The following CDH13 variants were observed in gnomAD, a reference collection of about 807,000 sequenced individuals.
CDH13 encodes cadherin-13.
Under a neutral mutation model 63.8 loss-of-function variants are expected in CDH13, and 24 were observed. The ratio of observed to expected loss-of-function variants is 0.38; its 90% CI spans 0.27 to 0.53. The LOEUF (loss-of-function observed/expected upper bound fraction) is 0.53, where lower values mean the gene tolerates loss of function less well. Among genes scored for constraint, CDH13 ranks in the 20% least tolerant of loss-of-function variants. CDH13 has a pLI of 0.85. For synonymous variants in CDH13, 503 were observed against 355.3 expected, an observed-to-expected ratio of 1.42 and a Z score of -4.67; for missense variants, 1,049 against 903.1, an observed-to-expected ratio of 1.16 and a Z score of -2.07.
rs1030307804 is a variant in CDH13 at position 83,609,063 on chromosome 16, T to C, written c.1101+6469T>C. On this transcript the variant is annotated intron_variant, in intron 8 of 13. Transcript: ENST00000567109. ...TTTGCTTTCACAACACATTTTATTATTGGAAAACTTGTGCACATTTTGAGG... is the reference window on the plus strand; with the variant it reads ...TTTGCTTTCACAACACATTTTATTACTGGAAAACTTGTGCACATTTTGAGG... Among the ~76,000 whole-genome samples, 4 of 152,174 alleles carry C rather than the reference T, an allele frequency of 2.6e-5. 1 individual carries two copies. Among genetic ancestry groups the C allele is most frequent in the African/African-American group, 9.7e-5 (4 of 41,442 alleles).
intron 1 of CDH13, among the ~76,000 whole-genome samples, chr16:82,769,088 C>T (rs1238130857): frequency 6.6e-6 from 1 of 152,178 alleles, no homozygotes; most frequent in African/African-American, 2.4e-5. Context: ...GTGAGGTCAT[C>T]ATGTTGTCTT....
intron 2 of CDH13, among the ~76,000 whole-genome samples, chr16:82,935,446 T>C (rs1170482013): frequency 2.0e-5 from 3 of 152,222 alleles, no homozygotes; most frequent in Non-Finnish European, 4.4e-5. Flanking sequence ...ACAACTGTTT[T>C]CATGAAGCTT....
intron 1 of CDH13, among the ~76,000 whole-genome samples, chr16:82,837,714 G>C (rs936972048): frequency 6.6e-6 from 1 of 152,194 alleles, no homozygotes; most frequent in African/African-American, 2.4e-5. Flanking sequence ...CAGTGCCCGA[G>C]TTTTTACTGG....
intron 1 of CDH13, among the ~76,000 whole-genome samples, chr16:82,708,888 G>T (rs986955139): frequency 6.6e-6 from 1 of 152,132 alleles, no homozygotes; most frequent in Admixed American, 6.5e-5. Flanking sequence ...TTCTGCTAGG[G>T]CTCTCTTATA....
intron 4 of CDH13, among the ~76,000 whole-genome samples, chr16:83,127,344 T>C (rs1486836888): frequency 2.6e-5 from 4 of 152,094 alleles, no homozygotes; most frequent in Non-Finnish European, 5.9e-5. Context: ...GAATGATTAG[T>C]GGTAGCAGAG....
chr16:83,339,648 C>T (rs1323869366), intron 5 of CDH13, among the ~76,000 whole-genome samples: 1 of 152,080 alleles, frequency 6.6e-6, no homozygotes, highest in Non-Finnish European at 1.5e-5. Context: ...CTCCTGAATC[C>T]AGGTCCAGTG....
intron 1 of CDH13, among the ~76,000 whole-genome samples, chr16:82,652,694 T>C (rs2150910058): frequency 1.3e-5 from 2 of 151,550 alleles, no homozygotes; most frequent in East Asian, 3.9e-4. Flanking sequence ...CTGGCCTGCA[T>C]TACCTAGAAT....
chr16:83,061,016 C>A (rs1299922508), intron 3 of CDH13, among the ~76,000 whole-genome samples: 1 of 152,166 alleles, frequency 6.6e-6, no homozygotes, highest in Non-Finnish European at 1.5e-5. Flanking sequence ...ATAGTGGGTG[C>A]TTAATACAAG....
At chr16:83,678,785 T>G (rs749266728) in intron 10 of CDH13, among the ~76,000 whole-genome samples, 2 of 152,148 alleles carry the variant, frequency 1.3e-5, no homozygotes, top group African/African-American at 2.4e-5. Flanking sequence ...CTGGGTGACC[T>G]CCTGCATCTC....
rs113845744 is a variant in CDH13 at position 83,168,364 on chromosome 16, T to C, written c.483+42863T>C. 7.4e-3 allele frequency among the ~76,000 whole-genome samples: 1,123 copies of C among 152,088 alleles called. 14 individuals carry two copies. The highest frequency in any genetic ancestry group is 0.026 in the African/African-American group (1,079 of 41,528). On this transcript the variant is annotated intron_variant, in intron 4 of 13. Coordinates refer to ENST00000567109, the MANE Select transcript of CDH13 (RefSeq NM_001257.5). The stretch of plus-strand genomic sequence containing the variant: ...ACACTCAAACACGCATACATGTATG[T>C]ATGTGTATATATATACACACACATA...
rs74034199 is a variant in CDH13 at position 83,365,352 on chromosome 16, A to G, written c.781+20346A>G. On this transcript the variant is annotated intron_variant, in intron 6 of 13. Transcript: ENST00000567109. ...ACCCGTAAGTGAGTAGATGAGGCCCACCACATTAGGAAGGGTCATTTCCTT... is the reference window on the plus strand; with the variant it reads ...ACCCGTAAGTGAGTAGATGAGGCCCGCCACATTAGGAAGGGTCATTTCCTT... Among the ~76,000 whole-genome samples, 778 of 152,326 alleles carry G rather than the reference A, an allele frequency of 5.1e-3. 6 individuals carry two copies. The highest frequency in any genetic ancestry group is 0.018 in the African/African-American group (755 of 41,574).
At chr16:82,700,974 C>CCCCCG (rs1491560033) in intron 1 of CDH13, among the ~76,000 whole-genome samples, 2 of 39,654 alleles carry the variant, frequency 5.0e-5, no homozygotes, top group Admixed American at 2.4e-4. Context: ...CCCCCCCCCC[C>CCCCCG]GCCCCGGGCA....
chr16:82,754,911 C>G (rs1163860281), intron 1 of CDH13, among the ~76,000 whole-genome samples: 1 of 152,184 alleles, frequency 6.6e-6, no homozygotes, highest in Non-Finnish European at 1.5e-5. Flanking sequence ...TACTAGGTTT[C>G]TATAATTGAC....
At position 83,218,297 on chromosome 16, in the gene CDH13, G is replaced by A. The variant is rs1253462093; in HGVS notation, c.636+800G>A. On this transcript the variant is annotated intron_variant, in intron 5 of 13. Coordinates refer to ENST00000567109, the MANE Select transcript of CDH13 (RefSeq NM_001257.5). ...GTAGTAAAGTCCCCACCCTCCAGCAGAACCCTTACTGGGCAATGCGCTCAA... is the reference window on the plus strand; with the variant it reads ...GTAGTAAAGTCCCCACCCTCCAGCAAAACCCTTACTGGGCAATGCGCTCAA... 1.3e-5 allele frequency among the ~76,000 whole-genome samples: 2 copies of A among 152,182 alleles called. 1 individual carries two copies. The highest frequency in any genetic ancestry group is 2.9e-5 in the Non-Finnish European group (2 of 68,032).
At chr16:83,289,301 C>T (rs2089408851) in intron 5 of CDH13, among the ~76,000 whole-genome samples, 1 of 152,174 alleles carries the variant, frequency 6.6e-6, no homozygotes, top group Admixed American at 6.5e-5. Context: ...TTATATTAAT[C>T]TCATGTATTT....
At chr16:82,847,092 C>G (rs549912690) in intron 1 of CDH13, among the ~76,000 whole-genome samples, 4 of 152,218 alleles carry the variant, frequency 2.6e-5, no homozygotes, top group Non-Finnish European at 5.9e-5. Context: ...TCTAACTCCT[C>G]TATTTTGCCC....
In CDH13 at chr16:83,790,742, T is replaced by G. The variant is rs112039604; in HGVS notation, c.2135-4281T>G. Among the ~76,000 whole-genome samples, 1,248 of 152,174 alleles carry G rather than the reference T, an allele frequency of 8.2e-3. 16 individuals are homozygous for G. Among genetic ancestry groups the G allele is most frequent in the African/African-American group, 0.028 (1,182 of 41,530 alleles). On this transcript the variant is annotated intron_variant, in intron 13 of 13. Transcript: ENST00000567109. ...TAAAGTGCATGTCAGTGGCATGAAG[T>G]GGATGTGTAATTCTTCCCCTAGCAC...
At chr16:82,838,301 G>C (rs2038857567) in intron 1 of CDH13, among the ~76,000 whole-genome samples, 2 of 152,082 alleles carry the variant, frequency 1.3e-5, no homozygotes, top group Non-Finnish European at 2.9e-5. Flanking sequence ...ATATTTTTCT[G>C]GCAGAAGAAC....
intron 11 of CDH13, among the ~76,000 whole-genome samples, chr16:83,757,839 TA>T (rs1913639773): frequency 6.6e-6 from 1 of 151,760 alleles, no homozygotes; most frequent in East Asian, 1.9e-4. Flanking sequence ...AAAAATAACC[TA>T]AAAAGAGGCT....
Sources: gnomAD v4.1 joint callset for allele counts (sites outside exome capture counted in the v4.1 genomes callset) on GRCh38, gnomAD v4.1.1 for gene constraint, MANE v1.5 for transcripts, NCBI Gene and HGNC (gene_info 2026-07-23, HGNC 2026-07-21) for gene names.